The following MARCHF7 variants were observed in gnomAD, a reference collection of about 807,000 sequenced individuals.
The protein encoded by MARCHF7 is E3 ubiquitin-protein ligase MARCHF7.
A neutral mutation model predicts 76.5 loss-of-function variants in MARCHF7; 20 were observed. That is an observed-to-expected ratio of 0.26 (90% CI 0.18 to 0.38). The LOEUF (loss-of-function observed/expected upper bound fraction) is 0.38. Among genes scored for constraint, MARCHF7 ranks in the 10% least tolerant of loss-of-function variants. The pLI, the probability that MARCHF7 is intolerant of heterozygous loss-of-function variation, is 1.00. For missense variants in MARCHF7, 797 were observed against 812.9 expected (o/e 0.98, Z 0.24); for synonymous variants, 295 against 293.0 (o/e 1.01, Z -0.07).
At chr2:159,746,506 AT>A (rs1704909412) in intron 6 of MARCHF7, among the ~76,000 whole-genome samples, 1 of 152,218 alleles carries the variant, frequency 6.6e-6, no homozygotes, top group Non-Finnish European at 1.5e-5. Context: ...GGTTCAAGCG[AT>A]TCTCCTGTGT....
At chr2:159,760,545 G>T (rs928868147) in intron 9 of MARCHF7, among the ~76,000 whole-genome samples, 1 of 152,118 alleles carries the variant, frequency 6.6e-6, no homozygotes, top group Non-Finnish European at 1.5e-5. Flanking sequence ...CTGAGCATTG[G>T]TATTTAAAAA....
At chr2:159,734,817 GAAAAA>G (rs760907513) in intron 4 of MARCHF7, among the ~76,000 whole-genome samples, 5 of 55,268 alleles carry the variant, frequency 9.0e-5, no homozygotes, top group Admixed American at 2.0e-4. Context: ...AAAATAAAAT[GAAAAA>G]AAAAAAAAAA....
At position 159,745,784 on chromosome 2, in the gene MARCHF7, C is replaced by T. The variant is rs1704794434; in HGVS notation, c.361C>T (p.His121Tyr). The T allele has an allele frequency of 5.6e-6, 9 of 1,600,166 alleles. No individual in the cohort carries two copies. Among genetic ancestry groups the T allele is most frequent in the Non-Finnish European group, 7.7e-6 (9 of 1,175,132 alleles). The change falls in exon 6 of 12, where the codon CAT (histidine) becomes TAT (tyrosine). Residue 121 changes from histidine to tyrosine, a missense_variant. Physicochemically the swap from His to Tyr is moderately conservative, Grantham distance 83. This residue lies in a region of MARCHF7 where 643 missense variants were observed against 631.5 expected (regional missense o/e 1.02). Transcript: ENST00000409175. Reference protein sequence around the residue: ...LNTLSDSSWRHSQVPRSSSMV... With the variant: ...LNTLSDSSWRYSQVPRSSSMV... ...TTTATTTTAAGATTCATCTTGGAGG[C>T]ATAGTCAAGTTCCTAGATCTTCATC...
intron 3 of MARCHF7, among the ~76,000 whole-genome samples, chr2:159,724,364 T>C (rs1406101433): frequency 6.6e-6 from 1 of 152,196 alleles, no homozygotes; most frequent in South Asian, 2.1e-4. Flanking sequence ...TGGTCTTTTT[T>C]CTTTGATGCT....
intron 11 of MARCHF7, 117 bp from the exon 12 acceptor site, chr2:159,767,167 A>G (rs1314654369): frequency 1.1e-5 from 8 of 724,598 alleles, no homozygotes; most frequent in Middle Eastern, 2.4e-4. Context: ...TGATCAAACA[A>G]TATACTAAAT....
rs555301689 is a variant in MARCHF7, at chr2:159,743,537, T to C, written c.346+284T>C. On this transcript the variant is annotated intron_variant, in intron 5 of 11. Coordinates refer to ENST00000409175, the MANE Select transcript of MARCHF7 (RefSeq NM_001282805.2). ...TGGTAAATGTATGTATTCTTTTGGTTATTATATTTTGTAATTGTTACAAGG... is the reference window on the plus strand; with the variant it reads ...TGGTAAATGTATGTATTCTTTTGGTCATTATATTTTGTAATTGTTACAAGG... Among the ~76,000 whole-genome samples, 4 of 152,336 alleles carry C rather than the reference T, an allele frequency of 2.6e-5. No individual in the cohort carries two copies. In the South Asian group the frequency reaches 8.3e-4, roughly 32 times the overall value.
chr2:159,767,269 G>A lies in MARCHF7; in HGVS notation c.2057-15G>A. ...CCTTAAAATCATTCTTGATCATCCTGTTTTCTTTCAACAGCTTCAGAGGAT... is the reference window on the plus strand; with the variant it reads ...CCTTAAAATCATTCTTGATCATCCTATTTTCTTTCAACAGCTTCAGAGGAT... On this transcript the variant is annotated splice_polypyrimidine_tract_variant and intron_variant, in intron 11 of 11. Coordinates refer to ENST00000409175, the MANE Select transcript of MARCHF7 (RefSeq NM_001282805.2). 2 of 1,599,496 alleles carry A rather than the reference G, an allele frequency of 1.3e-6. No individual in the cohort carries two copies. Among genetic ancestry groups the A allele is most frequent in the Non-Finnish European group, 1.7e-6 (2 of 1,168,334 alleles).
chr2:159,730,692 T>C (rs949688464), intron 4 of MARCHF7, among the ~76,000 whole-genome samples: 2 of 152,188 alleles, frequency 1.3e-5, no homozygotes, highest in Admixed American at 6.5e-5. Flanking sequence ...TGGTGACATA[T>C]AAAGGGCACA....
chr2:159,713,767 A>C (rs1700633734), intron 1 of MARCHF7, among the ~76,000 whole-genome samples: 1 of 152,178 alleles, frequency 6.6e-6, no homozygotes. Flanking sequence ...GTAGCACCAG[A>C]CTCAGAAGAC....
intron 6 of MARCHF7, among the ~76,000 whole-genome samples, 159 bp from the exon 7 acceptor site, chr2:159,747,646 T>C (rs1331367526): frequency 1.3e-5 from 2 of 152,202 alleles, no homozygotes; most frequent in African/African-American, 4.8e-5. Flanking sequence ...GAAAGAGAAA[T>C]ACATTTATGT....
At chr2:159,733,091 A>G in intron 4 of MARCHF7, 1 of 616,062 alleles carries the variant, frequency 1.6e-6, no homozygotes, top group Non-Finnish European at 2.0e-6. Context: ...GTTAACTTTT[A>G]CTGTTACCAT....
At chr2:159,762,432 TTC>T (rs1017826408) in intron 9 of MARCHF7, among the ~76,000 whole-genome samples, 3 of 152,266 alleles carry the variant, frequency 2.0e-5, no homozygotes, top group African/African-American at 7.2e-5. Flanking sequence ...TATTAATTCA[TTC>T]TTTTATTTAT....
chr2:159,723,575 C>A (rs1023602896), intron 3 of MARCHF7, among the ~76,000 whole-genome samples: 10 of 152,156 alleles, frequency 6.6e-5, no homozygotes, highest in African/African-American at 1.4e-4. Flanking sequence ...TACATACTTT[C>A]ATTTTTCTAA....
Position 159,719,136 on chromosome 2 carries a change from C to T in MARCHF7, c.-15+3370C>T, listed in dbSNP as rs185788906. The stretch of plus-strand genomic sequence containing the variant: ...ATTACAGGTGTGCACCACTACCGCC[C>T]GGCTAAATCTTTTTTTGTATTTTTA... On this transcript the variant is annotated intron_variant, in intron 3 of 11. Coordinates refer to ENST00000409175, the MANE Select transcript of MARCHF7 (RefSeq NM_001282805.2). Among the ~76,000 whole-genome samples the T allele has an allele frequency of 1.6e-3, 237 of 152,258 alleles. 1 individual carries two copies. Among genetic ancestry groups the T allele is most frequent in the Admixed American group, 3.1e-3 (47 of 15,292 alleles).
chr2:159,743,709 A>G (rs1704423243), intron 5 of MARCHF7, among the ~76,000 whole-genome samples: 1 of 147,370 alleles, frequency 6.8e-6, no homozygotes, highest in Non-Finnish European at 1.5e-5. Context: ...AGGCCAGCCT[A>G]GACAACATAG....
In MARCHF7 at chr2:159,748,617, G is replaced by T; in HGVS notation, c.1327G>T (p.Ala443Ser). ...HLEAQNDPLG[A>S]AANRPQASAA... ...TGAAGCACAGAATGATCCTCTTGGA[G>T]CTGCTGCCAACAGACCACAAGCATC... is the stretch of plus-strand genomic sequence containing the variant. The change falls in exon 7 of 12, where the codon GCT (alanine) becomes TCT (serine). Residue 443 changes from alanine to serine, a missense_variant. By Grantham distance (99) the Ala-to-Ser change is moderately conservative. Coordinates refer to ENST00000409175, the MANE Select transcript of MARCHF7 (RefSeq NM_001282805.2). The T allele has an allele frequency of 3.1e-6, 5 of 1,614,218 alleles. No individual in the cohort carries two copies. Among genetic ancestry groups the T allele is most frequent in the Non-Finnish European group, 4.2e-6 (5 of 1,180,040 alleles).
intron 4 of MARCHF7, among the ~76,000 whole-genome samples, chr2:159,738,561 ACAGG>A (rs2125501707): frequency 6.6e-6 from 1 of 152,202 alleles, no homozygotes; most frequent in African/African-American, 2.4e-5. Context: ...GCTCCTTTCC[ACAGG>A]CAGGTCATCC....
rs1702480631 is a variant in MARCHF7 at position 159,729,056 on chromosome 2, A to G, written c.34A>G (p.Ile12Val). 1.3e-6 allele frequency: 2 copies of G among 1,598,044 alleles called. No individual in the cohort carries two copies. The highest frequency in any genetic ancestry group is 1.1e-5 in the South Asian group (1 of 87,784). The change falls in exon 4 of 12, where the codon ATT becomes GTT. Residue 12 changes from isoleucine to valine, a missense_variant. Transcript: ENST00000409175. ...TAAACCTTCAAGGATTCCAAGAAGA[A>G]TTTCTGTTCAACCTTCCAGCTCCTT... ...ESKPSRIPRR[I>V]SVQPSSSLSA...
chr2:159,752,497 G>GC lies in MARCHF7; in HGVS notation c.1710dup (p.Lys571GlnfsTer23). ...TCATCTAATTTGCTGATAGAGCCAT[G>GC]CAAGTGCACAGGAAGTTTGCAGTAT... On this transcript the variant is annotated frameshift_variant, in exon 8 of 12. Transcript: ENST00000409175. LOFTEE classifies it high-confidence loss of function. 1 of 1,605,216 alleles carries GC rather than the reference G, an allele frequency of 6.2e-7. No homozygotes were observed. The highest frequency in any genetic ancestry group is 8.5e-7 in the Non-Finnish European group (1 of 1,176,548).
Sources: allele counts gnomAD v4.1 joint callset (sites outside exome capture counted in the v4.1 genomes callset), GRCh38; gene constraint gnomAD v4.1.1; regional missense constraint gnomAD v4.1.1; transcripts MANE v1.5; gene names NCBI Gene and HGNC (gene_info 2026-07-23, HGNC 2026-07-21).